Variants in SMG7 observed in about 807,000 individuals in gnomAD.
The protein encoded by SMG7 is SMG7 nonsense mediated mRNA decay factor, also known as nonsense-mediated mRNA decay factor SMG7.
In SMG7, 34 loss-of-function variants were observed where a neutral mutation model predicts 148.2. The observed-to-expected ratio is 0.23, with a 90% CI of 0.17 to 0.31. The LOEUF (loss-of-function observed/expected upper bound fraction) is 0.31, where lower values mean the gene tolerates loss of function less well. SMG7 is among the 10% of genes least tolerant of loss of function. SMG7 has a pLI of 1.00. For missense variants in SMG7, 1,114 were observed against 1,408.4 expected (o/e 0.79, Z 3.35); for synonymous variants, 492 against 515.1 (o/e 0.96, Z 0.61).
chr1:183,521,893 TG>T (rs1346837585), intron 4 of SMG7, among the ~76,000 whole-genome samples: 1 of 149,766 alleles, frequency 6.7e-6, no homozygotes, highest in Non-Finnish European at 1.5e-5. Context: ...TGCAAGTCAC[TG>T]GAGTTGGAAA....
intron 1 of SMG7, among the ~76,000 whole-genome samples, chr1:183,495,086 CAA>C (rs932994004): frequency 6.6e-6 from 1 of 152,102 alleles, no homozygotes; most frequent in Non-Finnish European, 1.5e-5. Context: ...CTCGGCCTCT[CAA>C]AGTGCTGGGA....
chr1:183,554,018 G>A lies in SMG7; in HGVS notation c.*2087G>A, dbSNP rs1001738968. 2 of 152,622 alleles carry A rather than the reference G, an allele frequency of 1.3e-5. No individual in the cohort carries two copies. Among genetic ancestry groups the A allele is most frequent in the Non-Finnish European group, 2.9e-5 (2 of 68,038 alleles). 9.5% of individuals were successfully genotyped at this position (152,622 alleles called of 1,614,324 possible). A position where few individuals can be genotyped will look rare whatever the true frequency, so the allele number is the denominator to read the frequency against. Reference sequence around the variant, plus strand: ...GATTCCTCGCCTTATCATCCTCACTGTGGAGTAATGAGGGGGAGGAGAATC... The same window carrying A: ...GATTCCTCGCCTTATCATCCTCACTATGGAGTAATGAGGGGGAGGAGAATC... On this transcript the variant is annotated 3_prime_UTR_variant, in exon 23 of 23. Coordinates refer to ENST00000688051, the MANE Select transcript of SMG7 (RefSeq NM_001375584.1).
chr1:183,503,603 T>C (rs573824659), intron 1 of SMG7, among the ~76,000 whole-genome samples: 1 of 152,296 alleles, frequency 6.6e-6, no homozygotes, highest in East Asian at 1.9e-4. Context: ...TTCAACCCAA[T>C]GTGCCCCTTC....
intron 10 of SMG7, 87 bp from the exon 11 acceptor site, chr1:183,537,058 G>C (rs1016063912): frequency 2.7e-5 from 24 of 894,214 alleles, no homozygotes; most frequent in Admixed American, 1.2e-4. Context: ...TAAAGTCCAG[G>C]ACCTATAGAT....
intron 1 of SMG7, among the ~76,000 whole-genome samples, chr1:183,478,544 G>T (rs899490720): frequency 6.6e-6 from 1 of 152,078 alleles, no homozygotes; most frequent in African/African-American, 2.4e-5. Context: ...CTTTCTAACA[G>T]CTGTGGTCTT....
chr1:183,553,138 C>G lies in SMG7; in HGVS notation c.*1207C>G, dbSNP rs1671321010. On this transcript the variant is annotated 3_prime_UTR_variant, in exon 23 of 23. Coordinates refer to ENST00000688051, the MANE Select transcript of SMG7 (RefSeq NM_001375584.1). ...AATTCAAGGCAGCACGGACATGTGC[C>G]CATCAGGCACAGAAGAAAACACGAC... The G allele has an allele frequency of 6.5e-7, 1 of 1,536,326 alleles. No individual in the cohort carries two copies. The highest frequency in any genetic ancestry group is 8.7e-7 in the Non-Finnish European group (1 of 1,146,940).
chr1:183,513,840 G>A (rs1662783977), intron 2 of SMG7, among the ~76,000 whole-genome samples: 1 of 151,828 alleles, frequency 6.6e-6, no homozygotes, highest in Admixed American at 6.6e-5. Context: ...GACCAGTCTG[G>A]CCAACATAGT....
chr1:183,553,388 G>A lies in SMG7; in HGVS notation c.*1457G>A, dbSNP rs1184130736. On this transcript the variant is annotated 3_prime_UTR_variant, in exon 23 of 23. Coordinates refer to ENST00000688051, the MANE Select transcript of SMG7 (RefSeq NM_001375584.1). ...TTATTTTCTGGGAGGTCTCTCCTTT[G>A]TGTGTCTGTATGTTTGTGTACACAC... 1.5e-6 allele frequency: 1 copy of A among 645,514 alleles called. No individual in the cohort carries two copies. Among genetic ancestry groups the A allele is most frequent in the Non-Finnish European group, 2.6e-6 (1 of 387,430 alleles). The allele number at this position is 645,514 out of a possible 1,614,324, so 40.0% of individuals were successfully genotyped here.
chr1:183,498,344 C>T (rs1659005818), intron 1 of SMG7, among the ~76,000 whole-genome samples: 1 of 151,956 alleles, frequency 6.6e-6, no homozygotes, highest in Admixed American at 6.6e-5. Context: ...GCCTGGGCAA[C>T]ATGACAAAAC....
At chr1:183,487,348 C>T (rs578060659) in intron 1 of SMG7, among the ~76,000 whole-genome samples, 1 of 152,306 alleles carries the variant, frequency 6.6e-6, no homozygotes, top group Non-Finnish European at 1.5e-5. Flanking sequence ...TCTCCTGCCT[C>T]TCTTTCACTT....
chr1:183,484,564 A>G (rs1654967581), intron 1 of SMG7, among the ~76,000 whole-genome samples: 1 of 152,072 alleles, frequency 6.6e-6, no homozygotes, highest in Admixed American at 6.5e-5. Context: ...GTTCTCAAGA[A>G]TGTGTCACCA....
chr1:183,530,115 CTT>C (rs1666597976), intron 8 of SMG7, among the ~76,000 whole-genome samples: 1 of 152,082 alleles, frequency 6.6e-6, no homozygotes, highest in South Asian at 2.1e-4. Flanking sequence ...AAAGTATTAA[CTT>C]TTTTTCAGTT....
intron 10 of SMG7, among the ~76,000 whole-genome samples, chr1:183,535,179 T>G (rs1667536449): frequency 6.6e-6 from 1 of 152,230 alleles, no homozygotes; most frequent in Non-Finnish European, 1.5e-5. Flanking sequence ...TACCATTTGC[T>G]TATAGAGTTT....
intron 1 of SMG7, among the ~76,000 whole-genome samples, chr1:183,494,050 C>T (rs1657762532): frequency 6.6e-6 from 1 of 152,084 alleles, no homozygotes; most frequent in African/African-American, 2.4e-5. Context: ...TGCAGTGACA[C>T]CATCATGGCT....
At chr1:183,475,744 T>C (rs1571703257) in intron 1 of SMG7, among the ~76,000 whole-genome samples, 1 of 152,196 alleles carries the variant, frequency 6.6e-6, no homozygotes, top group African/African-American at 2.4e-5. Context: ...GTACTTTTAA[T>C]GGGGAAGATC....
rs934661859 is a variant in SMG7, at chr1:183,533,831, T to C, written c.1162T>C (p.Tyr388His). 6 of 1,596,524 alleles carry C rather than the reference T, an allele frequency of 3.8e-6. No individual in the cohort carries two copies. The highest frequency in any genetic ancestry group is 5.1e-6 in the Non-Finnish European group (6 of 1,169,062). Reference sequence around the variant, plus strand: ...GGAGGCAGTGGTGGATGAAAGACAGTAGTAAGTATTTTTAGAATTTCATGT... The same window carrying C: ...GGAGGCAGTGGTGGATGAAAGACAGCAGTAAGTATTTTTAGAATTTCATGT... ...FQEAVVDERQ[Y>H]IWPWLISLLN... Residue 388 changes from tyrosine (Y) to histidine (H), a missense_variant and splice_region_variant, in exon 10 of 23, where the codon TAC becomes CAC. Around this residue, in one of 4 missense-constraint regions of SMG7, gnomAD observed 102 missense variants for 147.2 expected, o/e 0.69. Coordinates refer to ENST00000688051, the MANE Select transcript of SMG7 (RefSeq NM_001375584.1).
chr1:183,533,453 C>A, intron 9 of SMG7, 127 bp downstream of exon 9: 1 of 1,070,024 alleles, frequency 9.3e-7, no homozygotes, highest in Non-Finnish European at 1.4e-6. Context: ...ATCAGGAGTT[C>A]ATAATAACTT....
At chr1:183,530,443 T>C (rs929314038) in intron 8 of SMG7, among the ~76,000 whole-genome samples, 24 of 152,140 alleles carry the variant, frequency 1.6e-4, no homozygotes, top group African/African-American at 5.8e-4. Flanking sequence ...TAATTATAAA[T>C]AGCAATAGTT....
rs1668714761 is a variant in SMG7 at position 183,540,987 on chromosome 1, C to T, written c.1299C>T (p.Asn433=). The T allele has an allele frequency of 6.2e-7, 1 of 1,611,682 alleles. No homozygotes were observed. The highest frequency in any genetic ancestry group is 8.5e-7 in the Non-Finnish European group (1 of 1,178,828). Reference sequence around the variant, plus strand: ...AACTTGCTTGTGTCAATTTTAGGAACTTGGATTTTTCCAAAGGTCACCAGG... The same window carrying T: ...AACTTGCTTGTGTCAATTTTAGGAATTTGGATTTTTCCAAAGGTCACCAGG... The part of the protein sequence containing the change: ...GFLALRPSFR[N]LDFSKGHQGI... Residue 433 remains asparagine (N), a synonymous_variant, in exon 13 of 23, where the codon AAC becomes AAT. Transcript: ENST00000688051.
Sources: allele counts gnomAD v4.1 joint callset (sites outside exome capture counted in the v4.1 genomes callset), GRCh38; gene constraint gnomAD v4.1.1; regional missense constraint gnomAD v4.1.1; transcripts MANE v1.5; gene names NCBI Gene and HGNC (gene_info 2026-07-23, HGNC 2026-07-21).